FFAR4: variants seen among roughly 807,000 people sequenced by gnomAD.
The protein encoded by FFAR4 is G-protein coupled receptor 120.
Under a neutral mutation model 27.0 loss-of-function variants are expected in FFAR4, and 19 were observed. That is an observed-to-expected ratio of 0.70 (90% confidence interval 0.49 to 1.03). FFAR4 has a LOEUF of 1.03. Among genes scored for constraint, FFAR4 ranks in the 50% least tolerant of loss-of-function variants. The pLI, the probability that FFAR4 is intolerant of heterozygous loss-of-function variation, is 0.00. For synonymous variants in FFAR4, 254 were observed against 215.6 expected, an observed-to-expected ratio of 1.18 and a Z score of -1.56; for missense variants, 476 against 479.0, an observed-to-expected ratio of 0.99 and a Z score of 0.06.
At position 93,587,263 on chromosome 10, in the gene FFAR4, A is replaced by T. The variant is rs778355833; in HGVS notation, c.740A>T (p.Tyr247Phe). 6.8e-6 allele frequency: 11 copies of T among 1,613,948 alleles called. No individual in the cohort carries two copies. The highest frequency in any genetic ancestry group is 8.5e-6 in the Non-Finnish European group (10 of 1,179,990). Residue 247 changes from tyrosine to phenylalanine, a missense_variant, in exon 3 of 3, where the codon TAC becomes TTC. Transcript: ENST00000371481. ...AAGAGGCTCACGGTAAGCCTGGCCTACTCGGAGAGCCACCAGATCCGCGTG... is the reference window on the plus strand; with the variant it reads ...AAGAGGCTCACGGTAAGCCTGGCCTTCTCGGAGAGCCACCAGATCCGCGTG... ...SRKRLTVSLA[Y>F]SESHQIRVSQ...
rs113905155 is a variant in FFAR4, at chr10:93,584,713, G to GTT, written c.697-2497_697-2496dup. Among the ~76,000 whole-genome samples, 920 of 146,610 alleles carry GTT rather than the reference G, an allele frequency of 6.3e-3. 14 individuals carry two copies. Among genetic ancestry groups the GTT allele is most frequent in the African/African-American group, 0.021 (852 of 40,230 alleles). ...TTTAATTAGCTAGTTACAAGTTTTT[G>GTT]TTTTTTTTTTTGAGACAGGGCCTCA... On this transcript the variant is annotated intron_variant, in intron 2 of 2. Transcript: ENST00000371481.
chr10:93,579,184 G>A (rs756887061), intron 2 of FFAR4: 1 of 1,614,112 alleles, frequency 6.2e-7, no homozygotes, highest in Non-Finnish European at 8.5e-7. Context: ...CTGGATGCAA[G>A]AGCTGTCGTG....
chr10:93,587,305 G>C lies in FFAR4; in HGVS notation c.782G>C (p.Arg261Pro). 6.2e-7 allele frequency: 1 copy of C among 1,614,030 alleles called. No individual in the cohort carries two copies. Among genetic ancestry groups the C allele is most frequent in the Admixed American group, 1.7e-5 (1 of 60,000 alleles). Residue 261 changes from arginine to proline, a missense_variant, in exon 3 of 3, where the codon CGG becomes CCG. Coordinates refer to ENST00000371481, the MANE Select transcript of FFAR4 (RefSeq NM_001195755.2). Reference sequence around the variant, plus strand: ...ATCCGCGTGTCCCAGCAGGACTTCCGGCTCTTCCGCACCCTCTTCCTCCTC... The same window carrying C: ...ATCCGCGTGTCCCAGCAGGACTTCCCGCTCTTCCGCACCCTCTTCCTCCTC... ...HQIRVSQQDF[R>P]LFRTLFLLMV...
chr10:93,577,241 G>C (rs1230163143), intron 2 of FFAR4, among the ~76,000 whole-genome samples: 1 of 152,212 alleles, frequency 6.6e-6, no homozygotes, highest in Non-Finnish European at 1.5e-5. Context: ...TCCTCGTGGA[G>C]GTTTATAGTT....
chr10:93,581,923 G>A (rs1464706203), intron 2 of FFAR4, among the ~76,000 whole-genome samples: 3 of 152,172 alleles, frequency 2.0e-5, no homozygotes, highest in Non-Finnish European at 4.4e-5. Context: ...TTGACTGTGA[G>A]GCTCAAGCAA....
At chr10:93,571,012 CA>C (rs1383310546) in intron 1 of FFAR4, among the ~76,000 whole-genome samples, 1 of 152,198 alleles carries the variant, frequency 6.6e-6, no homozygotes, top group Admixed American at 6.5e-5. Flanking sequence ...CACAGTTAAG[CA>C]CATAAGAATT....
At chr10:93,584,194 T>C (rs1318754295) in intron 2 of FFAR4, among the ~76,000 whole-genome samples, 1 of 152,206 alleles carries the variant, frequency 6.6e-6, no homozygotes, top group East Asian at 1.9e-4. Flanking sequence ...CAGACTTGGA[T>C]GTGCCAATAT....
intron 1 of FFAR4, among the ~76,000 whole-genome samples, chr10:93,575,778 C>T (rs1490059410): frequency 6.6e-6 from 1 of 152,214 alleles, no homozygotes; most frequent in Non-Finnish European, 1.5e-5. Flanking sequence ...AAGCCCTTTG[C>T]ATGTCAGCCC....
rs1051009798 is a variant in FFAR4, at chr10:93,589,511, G to C, written c.*1902G>C. ...GGAATTGATAGAATGTGAGGGAAAGGGAGAACTCAAGGGGAATACTCTGAT... is the reference window on the plus strand; with the variant it reads ...GGAATTGATAGAATGTGAGGGAAAGCGAGAACTCAAGGGGAATACTCTGAT... On this transcript the variant is annotated 3_prime_UTR_variant, in exon 3 of 3. Transcript: ENST00000371481. 22 of 151,240 alleles carry C rather than the reference G, an allele frequency of 1.5e-4. No individual in the cohort carries two copies. Among genetic ancestry groups the C allele is most frequent in the African/African-American group, 3.9e-4 (16 of 41,296 alleles). The allele number at this position is 151,240 out of a possible 1,614,324, so 9.4% of individuals were successfully genotyped here. A position where few individuals can be genotyped will look rare whatever the true frequency, so the allele number is the denominator to read the frequency against.
intron 2 of FFAR4, among the ~76,000 whole-genome samples, chr10:93,576,541 G>C (rs2058165071): frequency 6.6e-6 from 1 of 151,938 alleles, no homozygotes; most frequent in Admixed American, 6.5e-5. Flanking sequence ...ATTTTTTCAG[G>C]TTATTTTTCT....
At chr10:93,571,306 A>G (rs1031031227) in intron 1 of FFAR4, among the ~76,000 whole-genome samples, 1 of 152,050 alleles carries the variant, frequency 6.6e-6, no homozygotes, top group African/African-American at 2.4e-5. Context: ...AACATTTACT[A>G]AGCACCCTTC....
chr10:93,572,138 G>T (rs1179032270), intron 1 of FFAR4, among the ~76,000 whole-genome samples: 1 of 152,128 alleles, frequency 6.6e-6, no homozygotes, highest in Admixed American at 6.5e-5. Context: ...AGGCAGGCTT[G>T]GTCCCCACCC....
At chr10:93,574,023 A>G (rs891702202) in intron 1 of FFAR4, among the ~76,000 whole-genome samples, 1 of 152,224 alleles carries the variant, frequency 6.6e-6, no homozygotes, top group African/African-American at 2.4e-5. Context: ...TAGACACTTC[A>G]CTTTCTGGAT....
chr10:93,570,427 A>G (rs1344782896), intron 1 of FFAR4, among the ~76,000 whole-genome samples: 1 of 151,142 alleles, frequency 6.6e-6, no homozygotes, highest in East Asian at 1.9e-4. Flanking sequence ...TGAGTCTCAC[A>G]TTTAAAATTA....
In FFAR4 at chr10:93,576,182, G is replaced by A; in HGVS notation, c.659G>A (p.Gly220Glu). The A allele has an allele frequency of 1.2e-6, 2 of 1,614,024 alleles. No homozygotes were observed. The highest frequency in any genetic ancestry group is 2.2e-5 in the East Asian group (1 of 44,874). ...GTTACTTTGAACTTCTTGGTGCCAG[G>A]ACTGGTCATTGTGATCAGTTACTCC... is the stretch of plus-strand genomic sequence containing the variant. Reference protein sequence around the residue: ...SFVTLNFLVPGLVIVISYSKI... With the variant: ...SFVTLNFLVPELVIVISYSKI... Residue 220 changes from glycine to glutamate, a missense_variant, in exon 2 of 3, where the codon GGA becomes GAA. Gly to Glu is a moderately conservative substitution (Grantham distance 98). Coordinates refer to ENST00000371481, the MANE Select transcript of FFAR4 (RefSeq NM_001195755.2).
At chr10:93,584,154 G>A (rs1362992502) in intron 2 of FFAR4, among the ~76,000 whole-genome samples, 1 of 152,214 alleles carries the variant, frequency 6.6e-6, no homozygotes, top group Non-Finnish European at 1.5e-5. Context: ...CGGAACACAA[G>A]TTCTAGTTTT....
chr10:93,582,479 G>A (rs1038281134), intron 2 of FFAR4, among the ~76,000 whole-genome samples: 1 of 148,438 alleles, frequency 6.7e-6, no homozygotes, highest in Non-Finnish European at 1.5e-5. Flanking sequence ...GGGAGGTGGA[G>A]GTTGCGGTGA....
At chr10:93,579,072 T>C in intron 2 of FFAR4, 1 of 1,239,934 alleles carries the variant, frequency 8.1e-7, no homozygotes, top group Non-Finnish European at 1.2e-6. Context: ...CAGCTGTCCT[T>C]TTAGCCACCC....
At position 93,576,089 on chromosome 10, in the gene FFAR4, A is replaced by G; in HGVS notation, c.568-2A>G. Reference sequence around the variant, plus strand: ...TGATGTTCTTTTCCTTTTTGTAACTAGGAAATTTCGATTTGCACACTGATT... The same window carrying G: ...TGATGTTCTTTTCCTTTTTGTAACTGGGAAATTTCGATTTGCACACTGATT... On this transcript the variant is annotated splice_acceptor_variant, in intron 1 of 2. Transcript: ENST00000371481. LOFTEE classifies it high-confidence loss of function. 1 of 1,613,876 alleles carries G rather than the reference A, an allele frequency of 6.2e-7. No homozygotes were observed. The highest frequency in any genetic ancestry group is 1.3e-5 in the African/African-American group (1 of 75,028).
Sources: gnomAD v4.1 joint callset for allele counts (sites outside exome capture counted in the v4.1 genomes callset) on GRCh38, gnomAD v4.1.1 for gene constraint, MANE v1.5 for transcripts, NCBI Gene and HGNC (gene_info 2026-07-23, HGNC 2026-07-21) for gene names.